The following FER variants were observed in gnomAD, a reference collection of about 807,000 sequenced individuals.
FER encodes the protein tyrosine-protein kinase Fer.
Under a neutral mutation model 111.0 loss-of-function variants are expected in FER, and 63 were observed. The observed-to-expected ratio is 0.57, with a 90% CI of 0.46 to 0.70. FER has a LOEUF of 0.70. FER is among the 30% of genes least tolerant of loss of function. FER has a pLI of 0.00. For missense variants in FER, 914 were observed against 954.0 expected, an observed-to-expected ratio of 0.96 and a Z score of 0.55; for synonymous variants, 327 against 313.9, an observed-to-expected ratio of 1.04 and a Z score of -0.44.
At chr5:108,757,490 A>G (rs1751249147) in intron 1 of FER, among the ~76,000 whole-genome samples, 1 of 152,212 alleles carries the variant, frequency 6.6e-6, no homozygotes, top group African/African-American at 2.4e-5. Flanking sequence ...AAATTTAACA[A>G]TGGAATGTTG....
chr5:108,997,214 G>A (rs1764101936), intron 13 of FER, among the ~76,000 whole-genome samples: 2 of 149,454 alleles, frequency 1.3e-5, no homozygotes. Flanking sequence ...GACCATCCTG[G>A]CTAACACGGT....
chr5:109,060,633 G>A (rs1461823188), intron 16 of FER, among the ~76,000 whole-genome samples: 1 of 152,034 alleles, frequency 6.6e-6, no homozygotes, highest in Non-Finnish European at 1.5e-5. Context: ...GCAGTGAGCT[G>A]AGATTGCATC....
intron 13 of FER, among the ~76,000 whole-genome samples, chr5:109,008,176 A>C (rs1765740732): frequency 6.6e-6 from 1 of 152,174 alleles, no homozygotes; most frequent in African/African-American, 2.4e-5. Context: ...CTTTAACCTT[A>C]TATTATTGAG....
intron 13 of FER, among the ~76,000 whole-genome samples, chr5:108,961,252 A>G (rs1233528515): frequency 6.6e-6 from 1 of 152,208 alleles, no homozygotes; most frequent in Admixed American, 6.6e-5. Flanking sequence ...CCCATTTCAC[A>G]AGTCAACCAA....
intron 17 of FER, among the ~76,000 whole-genome samples, chr5:109,115,425 T>A (rs1473198324): frequency 6.6e-6 from 1 of 152,186 alleles, no homozygotes; most frequent in African/African-American, 2.4e-5. Context: ...TTCACCAGCC[T>A]AGGCAGTTCT....
intron 3 of FER, among the ~76,000 whole-genome samples, chr5:108,799,419 G>GGAGA (rs1426046448): frequency 2.0e-5 from 3 of 152,162 alleles, no homozygotes; most frequent in Non-Finnish European, 4.4e-5. Flanking sequence ...TGTTACCTGT[G>GGAGA]GAGACTGTGT....
intron 16 of FER, among the ~76,000 whole-genome samples, chr5:109,095,250 A>G (rs1422902077): frequency 6.6e-6 from 1 of 152,124 alleles, no homozygotes. Flanking sequence ...CTGTTCAGGA[A>G]GTACTTTTTT....
intron 5 of FER, among the ~76,000 whole-genome samples, chr5:108,859,928 A>ATTATTG (rs1763347215): frequency 6.9e-6 from 1 of 145,412 alleles, no homozygotes; most frequent in African/African-American, 2.5e-5. Context: ...ACCTATTATT[A>ATTATTG]TTATTATTAT....
chr5:108,903,876 A>T lies in FER; in HGVS notation c.1236+6028A>T, dbSNP rs116155339. Among the ~76,000 whole-genome samples the T allele has an allele frequency of 4.8e-3, 729 of 152,296 alleles. 5 individuals carry two copies. The highest frequency in any genetic ancestry group is 0.024 in the Middle Eastern group (7 of 294). The stretch of plus-strand genomic sequence containing the variant: ...TACATGGGTCTAAGTGTCCTTTCTT[A>T]GTGTCCCAGTTCTCTTCCTTAGAGG... On this transcript the variant is annotated intron_variant, in intron 10 of 19. Coordinates refer to ENST00000281092, the MANE Select transcript of FER (RefSeq NM_005246.4).
chr5:109,070,401 C>G (rs964827348), intron 16 of FER, among the ~76,000 whole-genome samples: 2 of 151,882 alleles, frequency 1.3e-5, no homozygotes, highest in Non-Finnish European at 2.9e-5. Context: ...TAAACATCAC[C>G]ATGTTTGGTG....
At chr5:109,117,804 CTGTT>C (rs1409160618) in intron 17 of FER, among the ~76,000 whole-genome samples, 15 of 151,384 alleles carry the variant, frequency 9.9e-5, no homozygotes, top group South Asian at 2.1e-4. Flanking sequence ...ATTTGGCTCT[CTGTT>C]TGTCTGTTAT....
intron 13 of FER, among the ~76,000 whole-genome samples, chr5:108,978,948 T>C (rs1433113114): frequency 4.6e-5 from 7 of 152,228 alleles, no homozygotes; most frequent in African/African-American, 1.4e-4. Flanking sequence ...GGAAGTGTTA[T>C]GCAACTACCT....
intron 13 of FER, among the ~76,000 whole-genome samples, chr5:109,027,375 C>T (rs994284900): frequency 1.3e-5 from 2 of 152,072 alleles, no homozygotes; most frequent in African/African-American, 4.8e-5. Flanking sequence ...AATATAACTT[C>T]AGTCACATGG....
At chr5:109,042,806 G>A (rs940284809) in intron 14 of FER, among the ~76,000 whole-genome samples, 2 of 152,138 alleles carry the variant, frequency 1.3e-5, no homozygotes. Context: ...ATGTAGAAAA[G>A]GCATGACACG....
rs141465321 is a variant in FER, at chr5:108,770,122, A to G, written c.-60+1884A>G. Among the ~76,000 whole-genome samples the G allele has an allele frequency of 4.1e-3, 627 of 152,094 alleles. 4 individuals carry two copies. Among genetic ancestry groups the G allele is most frequent in the African/African-American group, 0.015 (608 of 41,506 alleles). On this transcript the variant is annotated intron_variant, in intron 2 of 19. Transcript: ENST00000281092. ...TGCCACCATGCCCGGCTAATTTCGTATTTTTAGTAGAGATGAGGTTTCTCC... is the reference window on the plus strand; with the variant it reads ...TGCCACCATGCCCGGCTAATTTCGTGTTTTTAGTAGAGATGAGGTTTCTCC...
intron 13 of FER, among the ~76,000 whole-genome samples, chr5:109,033,401 C>T (rs1242676799): frequency 1.3e-5 from 2 of 152,080 alleles, no homozygotes; most frequent in African/African-American, 4.8e-5. Context: ...TGTGACTTTT[C>T]TTTCCTTTGG....
At chr5:109,095,676 T>C (rs1007253503) in intron 16 of FER, among the ~76,000 whole-genome samples, 21 of 152,116 alleles carry the variant, frequency 1.4e-4, no homozygotes, top group African/African-American at 5.1e-4. Context: ...TATCGATTTT[T>C]CCCCGTCATT....
intron 5 of FER, among the ~76,000 whole-genome samples, chr5:108,865,470 C>G (rs1763946770): frequency 6.6e-6 from 1 of 152,084 alleles, no homozygotes; most frequent in Admixed American, 6.6e-5. Flanking sequence ...AGACCTAAAA[C>G]CATAAAAACC....
chr5:109,003,599 T>C (rs189758757), intron 13 of FER, among the ~76,000 whole-genome samples: 345 of 152,076 alleles, frequency 2.3e-3, no homozygotes, highest in African/African-American at 7.8e-3. Flanking sequence ...ACATGTATCC[T>C]AAAACTTAAA....
Sources: allele counts gnomAD v4.1 joint callset (sites outside exome capture counted in the v4.1 genomes callset), GRCh38; gene constraint gnomAD v4.1.1; transcripts MANE v1.5; gene names NCBI Gene and HGNC (gene_info 2026-07-23, HGNC 2026-07-21).